The following CNRIP1 variants were observed in gnomAD, a reference collection of about 807,000 sequenced individuals.
CNRIP1 encodes cannabinoid receptor interacting protein 1.
In CNRIP1, 10 loss-of-function variants were observed where a neutral mutation model predicts 15.2. The observed-to-expected ratio is 0.66, with a 90% CI of 0.41 to 1.12. CNRIP1 has a LOEUF of 1.12. Among genes scored for constraint, CNRIP1 ranks in the 50% most tolerant of loss-of-function variants. CNRIP1 has a pLI of 0.00. For synonymous variants in CNRIP1, 91 were observed against 83.2 expected (o/e 1.09, Z -0.51); for missense variants, 211 against 214.7 (o/e 0.98, Z 0.11).
downstream of CNRIP1, among the ~76,000 whole-genome samples, chr2:68,290,721 G>A (rs530740824): frequency 6.6e-6 from 1 of 152,326 alleles, no homozygotes; most frequent in Admixed American, 6.5e-5. Flanking sequence ...CGAGCCTTTA[G>A]TGAATGGACT....
Position 68,293,683 on chromosome 2 carries a change from G to T in CNRIP1, c.*179C>A, listed in dbSNP as rs1671241799. The T allele has an allele frequency of 5.1e-6, 7 of 1,370,264 alleles. No individual in the cohort carries two copies. Among genetic ancestry groups the T allele is most frequent in the Non-Finnish European group, 6.6e-6 (7 of 1,058,086 alleles). 84.9% of individuals were successfully genotyped at this position (1,370,264 alleles called of 1,614,324 possible). ...CTCGGGAGTGGTACATCACCATCTT[G>T]TATGTGAGGGATATTGTGTCAGAGG... On this transcript the variant is annotated 3_prime_UTR_variant, in exon 3 of 3. Coordinates refer to ENST00000263655, the MANE Select transcript of CNRIP1 (RefSeq NM_015463.3).
At chr2:68,301,358 G>C (rs1210833211) in intron 2 of CNRIP1, among the ~76,000 whole-genome samples, 1 of 152,164 alleles carries the variant, frequency 6.6e-6, no homozygotes, top group Non-Finnish European at 1.5e-5. Flanking sequence ...TCTCAGCAAA[G>C]GAAAGTTTTT....
At chr2:68,302,033 T>C (rs1671631606) in intron 2 of CNRIP1, among the ~76,000 whole-genome samples, 1 of 151,664 alleles carries the variant, frequency 6.6e-6, no homozygotes, top group Admixed American at 6.6e-5. Flanking sequence ...CCTGAACAAT[T>C]ATCTTTATTA....
intron 2 of CNRIP1, among the ~76,000 whole-genome samples, chr2:68,314,025 C>T (rs1672186523): frequency 1.3e-5 from 2 of 152,082 alleles, no homozygotes; most frequent in Non-Finnish European, 2.9e-5. Flanking sequence ...AACTCTTATT[C>T]ATCCTTCATT....
At position 68,293,771 on chromosome 2, in the gene CNRIP1, TG is replaced by T; in HGVS notation, c.*90del. On this transcript the variant is annotated 3_prime_UTR_variant, in exon 3 of 3. Coordinates refer to ENST00000263655, the MANE Select transcript of CNRIP1 (RefSeq NM_015463.3). ...ATTAGTACCAGATGGGGAACAGCAA[TG>T]GTGTGGCATGCCTTGTTTAAGGCCT... The T allele has an allele frequency of 6.5e-7, 1 of 1,531,392 alleles. No individual in the cohort carries two copies. Among genetic ancestry groups the T allele is most frequent in the African/African-American group, 1.4e-5 (1 of 72,528 alleles). 94.9% of individuals were successfully genotyped at this position (1,531,392 alleles called of 1,614,324 possible). A position where few individuals can be genotyped will look rare whatever the true frequency, so the allele number is the denominator to read the frequency against.
intron 2 of CNRIP1, among the ~76,000 whole-genome samples, chr2:68,298,189 G>A (rs1197024526): frequency 6.6e-6 from 1 of 151,958 alleles, no homozygotes; most frequent in African/African-American, 2.4e-5. Flanking sequence ...CTTTTAAAGA[G>A]GATTTAGTAT....
At chr2:68,308,806 T>C (rs1671965997) in intron 2 of CNRIP1, among the ~76,000 whole-genome samples, 1 of 152,140 alleles carries the variant, frequency 6.6e-6, no homozygotes, top group Non-Finnish European at 1.5e-5. Flanking sequence ...AACTTTTTTT[T>C]TCTACCCAAT....
At chr2:68,285,720 A>G (rs910915774) in intron 2 of CNRIP1, among the ~76,000 whole-genome samples, 7 of 151,892 alleles carry the variant, frequency 4.6e-5, no homozygotes, top group African/African-American at 9.7e-5. Context: ...TTTAGGCAGC[A>G]GATGTCCACC....
Position 68,298,393 on chromosome 2 carries a change from G to A in CNRIP1, c.331-4367C>T, listed in dbSNP as rs1016589020. On this transcript the variant is annotated intron_variant, in intron 2 of 2. Coordinates refer to ENST00000263655, the MANE Select transcript of CNRIP1 (RefSeq NM_015463.3). ...TTTGAAGGAAGCAGCTTAAAATCAT[G>A]CTAGGTAACAGAGAAACAACACTGA... Among the ~76,000 whole-genome samples, 3 of 152,008 alleles carry A rather than the reference G, an allele frequency of 2.0e-5. No homozygotes were observed. The East Asian group carries it at 5.8e-4, about 29-fold the overall frequency.
intron 2 of CNRIP1, among the ~76,000 whole-genome samples, chr2:68,295,793 C>G (rs569812699): frequency 6.6e-6 from 1 of 152,294 alleles, no homozygotes; most frequent in South Asian, 2.1e-4. Context: ...TGGAAGCATT[C>G]TGTATCTTGA....
intron 2 of CNRIP1, among the ~76,000 whole-genome samples, chr2:68,305,282 G>A (rs1049900560): frequency 0.24 from 22,360 of 93,284 alleles, 2,902 homozygotes; most frequent in East Asian, 0.58. Flanking sequence ...ATATGTGTGT[G>A]TGTGTGTGTG....
intron 2 of CNRIP1, among the ~76,000 whole-genome samples, chr2:68,314,033 A>AT (rs1208551881): frequency 3.3e-5 from 5 of 151,862 alleles, no homozygotes; most frequent in African/African-American, 1.2e-4. Context: ...TTCATCCTTC[A>AT]TTTTTTCCTC....
intron 1 of CNRIP1, among the ~76,000 whole-genome samples, chr2:68,319,014 T>G (rs1672385630): frequency 6.6e-6 from 1 of 151,908 alleles, no homozygotes; most frequent in Non-Finnish European, 1.5e-5. Flanking sequence ...CTGCGATGGG[T>G]GGAGGGAAGC....
intron 2 of CNRIP1, among the ~76,000 whole-genome samples, chr2:68,308,456 A>G (rs1671947614): frequency 6.7e-6 from 1 of 148,300 alleles, no homozygotes; most frequent in African/African-American, 2.6e-5. Context: ...GTGTAGAGAC[A>G]TAATTTCTTA....
In CNRIP1 at chr2:68,305,272, A is replaced by ATGTGTGTGTGTGTGTGTG. The variant is rs1225964288; in HGVS notation, c.331-11247_331-11246insCACACACACACACACACA. Among the ~76,000 whole-genome samples, 13 of 69,010 alleles carry ATGTGTGTGTGTGTGTGTG rather than the reference A, an allele frequency of 1.9e-4. No individual in the cohort carries two copies. In the East Asian group the frequency reaches 3.9e-3, roughly 21 times the overall value. 45.3% of individuals were successfully genotyped at this position (69,010 alleles called of 152,430 possible). On this transcript the variant is annotated intron_variant, in intron 2 of 2. Coordinates refer to ENST00000263655, the MANE Select transcript of CNRIP1 (RefSeq NM_015463.3). The stretch of plus-strand genomic sequence containing the variant: ...AAAAAAAAAAAAAATATATATATAT[A>ATGTGTGTGTGTGTGTGTG]TATGTGTGTGTGTGTGTGTGTGTGT...
chr2:68,301,881 G>A (rs1371098835), intron 2 of CNRIP1, among the ~76,000 whole-genome samples: 11 of 117,306 alleles, frequency 9.4e-5, no homozygotes, highest in East Asian at 7.3e-4. Flanking sequence ...GCGACAGAGC[G>A]AGTCTCCGTC....
intron 2 of CNRIP1, among the ~76,000 whole-genome samples, chr2:68,312,114 T>C (rs1440712555): frequency 6.6e-6 from 1 of 152,166 alleles, no homozygotes; most frequent in Non-Finnish European, 1.5e-5. Flanking sequence ...ACTTTCCGAA[T>C]CATTTTATGT....
intron 2 of CNRIP1, among the ~76,000 whole-genome samples, chr2:68,302,905 G>A (rs915763422): frequency 6.9e-6 from 1 of 144,884 alleles, no homozygotes; most frequent in Non-Finnish European, 1.5e-5. Flanking sequence ...GGAGTGCAGT[G>A]GTGCGATCTC....
intron 2 of CNRIP1, among the ~76,000 whole-genome samples, chr2:68,310,223 G>A (rs771784088): frequency 1.3e-5 from 2 of 152,218 alleles, no homozygotes; most frequent in Non-Finnish European, 2.9e-5. Flanking sequence ...AGCTACTCTG[G>A]CGGCTGAGGC....
Sources: allele counts gnomAD v4.1 joint callset (sites outside exome capture counted in the v4.1 genomes callset), GRCh38; gene constraint gnomAD v4.1.1; transcripts MANE v1.5; gene names NCBI Gene and HGNC (gene_info 2026-07-23, HGNC 2026-07-21).